Variants in TACC2 observed in about 807,000 individuals in gnomAD.
The protein encoded by TACC2 is transforming acidic coiled-coil containing protein 2.
A neutral mutation model predicts 227.3 loss-of-function variants in TACC2; 137 were observed. The observed-to-expected ratio is 0.60, with a 90% CI of 0.52 to 0.69. The LOEUF is 0.69. Ranked by LOEUF, TACC2 falls within the 30% of genes least tolerant of loss-of-function variation. TACC2 has a pLI of 0.00. For missense variants in TACC2, 3,470 were observed against 3,694.4 expected, an observed-to-expected ratio of 0.94 and a Z score of 1.57; for synonymous variants, 1,523 against 1,487.5, an observed-to-expected ratio of 1.02 and a Z score of -0.55.
intron 2 of TACC2, among the ~76,000 whole-genome samples, chr10:122,037,877 G>A (rs1358960385): frequency 6.6e-6 from 1 of 152,150 alleles, no homozygotes; most frequent in Non-Finnish European, 1.5e-5. Flanking sequence ...AGCCTGGGAG[G>A]CCAGAGGCTC....
rs531810012 is a variant in TACC2 at position 122,063,510 on chromosome 10, T to A, written c.146+12960T>A. 4.6e-5 allele frequency among the ~76,000 whole-genome samples: 7 copies of A among 152,268 alleles called. No individual in the cohort carries two copies. The East Asian group carries it at 1.2e-3, about 25-fold the overall frequency. On this transcript the variant is annotated intron_variant, in intron 3 of 22. Coordinates refer to ENST00000369005, the MANE Select transcript of TACC2 (RefSeq NM_206862.4). ...AATTAGGTGTGTGTCTGTTTTCTGC[T>A]CCTCTGGTTTCAACAGAGCATTTGA...
chr10:122,229,087 G>A (rs2095683721), intron 14 of TACC2, among the ~76,000 whole-genome samples: 1 of 152,088 alleles, frequency 6.6e-6, no homozygotes, highest in African/African-American at 2.4e-5. Context: ...ACCAGGGAGT[G>A]AGGGTGGCGT....
At chr10:122,058,551 G>A (rs1344360449) in intron 3 of TACC2, among the ~76,000 whole-genome samples, 1 of 152,076 alleles carries the variant, frequency 6.6e-6, no homozygotes, top group Non-Finnish European at 1.5e-5. Flanking sequence ...TGGGACTACA[G>A]GTGCGAAGCA....
At chr10:122,035,370 G>A (rs1045085778) in intron 2 of TACC2, among the ~76,000 whole-genome samples, 2 of 152,158 alleles carry the variant, frequency 1.3e-5, no homozygotes, top group Non-Finnish European at 2.9e-5. Context: ...CAATTGAGGA[G>A]TCAGATAAGC....
chr10:122,064,324 TC>T (rs1427159645), intron 3 of TACC2, among the ~76,000 whole-genome samples: 1 of 152,184 alleles, frequency 6.6e-6, no homozygotes, highest in African/African-American at 2.4e-5. Context: ...CCATACAGTT[TC>T]CCCTATTATT....
chr10:122,085,857 A>G lies in TACC2; in HGVS notation c.3357A>G (p.Ser1119=). The G allele has an allele frequency of 6.2e-7, 1 of 1,613,148 alleles. No homozygotes were observed. Among genetic ancestry groups the G allele is most frequent in the Non-Finnish European group, 8.5e-7 (1 of 1,179,554 alleles). ...ESPKLLASFP[S]AGEQGGEAGA... ...CAAAGCTTCTTGCAAGTTTCCCATC[A>G]GCTGGGGAGCAAGGTGGTGAAGCCG... The change falls in exon 4 of 23, where the codon TCA becomes TCG. Residue 1119 remains serine, a synonymous_variant. Transcript: ENST00000369005.
rs775635877 is a variant in TACC2 at position 122,226,527 on chromosome 10, TA to T, written c.7724+49del. On this transcript the variant is annotated intron_variant, in intron 13 of 22. Coordinates refer to ENST00000369005, the MANE Select transcript of TACC2 (RefSeq NM_206862.4). Reference sequence around the variant, plus strand: ...GAGTTACACATCATGCTGGATGTTCTAAAGCCTCTGAGCACCTTCATGCTGT... The same window carrying T: ...GAGTTACACATCATGCTGGATGTTCTAAGCCTCTGAGCACCTTCATGCTGT... 13 of 1,387,992 alleles carry T rather than the reference TA, an allele frequency of 9.4e-6. No homozygotes were observed. In the African/African-American group the frequency reaches 1.3e-4, roughly 14 times the overall value. The allele number at this position is 1,387,992 out of a possible 1,614,324, so 86.0% of individuals were successfully genotyped here.
chr10:122,099,683 G>A (rs1176973622), intron 5 of TACC2, among the ~76,000 whole-genome samples: 1 of 152,162 alleles, frequency 6.6e-6, no homozygotes, highest in East Asian at 1.9e-4. Context: ...GCCAAGCAAA[G>A]GAAAGCCAGG....
At position 122,167,682 on chromosome 10, in the gene TACC2, C is replaced by T. The variant is rs145710837; in HGVS notation, c.5834+23976C>T. On this transcript the variant is annotated intron_variant, in intron 7 of 22. Coordinates refer to ENST00000369005, the MANE Select transcript of TACC2 (RefSeq NM_206862.4). ...GTAGAGAAAATCCGATGACTCTGAT[C>T]CTGCCCCTCCTGCCTCGCAGGGTTT... is the stretch of plus-strand genomic sequence containing the variant. Among the ~76,000 whole-genome samples the T allele has an allele frequency of 4.6e-3, 693 of 152,288 alleles. 6 individuals are homozygous for T. Among genetic ancestry groups the T allele is most frequent in the African/African-American group, 0.016 (650 of 41,560 alleles).
intron 5 of TACC2, among the ~76,000 whole-genome samples, chr10:122,103,747 G>C (rs1248522450): frequency 6.6e-6 from 1 of 152,018 alleles, no homozygotes; most frequent in Non-Finnish European, 1.5e-5. Context: ...GTCCTGAGCT[G>C]TAGAGCTGAG....
At chr10:122,185,618 G>T (rs1291511612) in intron 7 of TACC2, among the ~76,000 whole-genome samples, 2 of 152,260 alleles carry the variant, frequency 1.3e-5, no homozygotes, top group African/African-American at 4.8e-5. Context: ...AAGGCTAAGT[G>T]TGTTTTTTCA....
At chr10:122,030,603 C>T (rs1169303374) in intron 2 of TACC2, among the ~76,000 whole-genome samples, 1 of 152,066 alleles carries the variant, frequency 6.6e-6, no homozygotes, top group African/African-American at 2.4e-5. Flanking sequence ...CTCCATCTCC[C>T]CTCCTCAGTC....
At chr10:122,052,234 CTT>C (rs1189110447) in intron 3 of TACC2, 1 of 152,192 alleles carries the variant, frequency 6.6e-6, no homozygotes, top group East Asian at 1.9e-4. Context: ...CAGCTCTTCT[CTT>C]TCCCTCTTGG....
rs745958023 is a variant in TACC2 at position 122,085,847 on chromosome 10, G to A, written c.3347G>A (p.Ser1116Asn). 1.9e-6 allele frequency: 3 copies of A among 1,612,954 alleles called. No individual in the cohort carries two copies. In the African/African-American group the frequency reaches 4.0e-5, roughly 22 times the overall value. The change falls in exon 4 of 23, where the codon AGT (serine) becomes AAT (asparagine). Residue 1116 changes from serine to asparagine, a missense_variant. Physicochemically the swap from Ser to Asn is conservative, Grantham distance 46 (BLOSUM62 1). This residue lies in a region of TACC2 where 1,924 missense variants were observed against 1,978.3 expected (regional missense o/e 0.97). Transcript: ENST00000369005. The stretch of plus-strand genomic sequence containing the variant: ...GCAGAGTCCCCAAAGCTTCTTGCAA[G>A]TTTCCCATCAGCTGGGGAGCAAGGT... The part of the protein sequence containing the change: ...SDAESPKLLA[S>N]FPSAGEQGGE...
chr10:122,039,618 C>G (rs2074001420), intron 2 of TACC2, among the ~76,000 whole-genome samples: 1 of 152,174 alleles, frequency 6.6e-6, no homozygotes, highest in African/African-American at 2.4e-5. Context: ...AACAGGACCT[C>G]TCCTCGGAGC....
intron 11 of TACC2, among the ~76,000 whole-genome samples, chr10:122,220,513 G>C (rs941990810): frequency 6.6e-6 from 1 of 152,116 alleles, no homozygotes; most frequent in Non-Finnish European, 1.5e-5. Context: ...CCAGCATCTG[G>C]ACGTGGAAAT....
rs113618278 is a variant in TACC2, at chr10:122,205,732, G to A, written c.5972-4665G>A. 1.2e-4 allele frequency among the ~76,000 whole-genome samples: 18 copies of A among 152,260 alleles called. 2 individuals carry two copies. The highest frequency in any genetic ancestry group is 2.2e-4 in the African/African-American group (9 of 41,540). ...TGCAGAGGAAGGGGCGGATGGAGGC[G>A]GAGTCTGGGGTTTTAATGAGTGTCT... On this transcript the variant is annotated intron_variant, in intron 8 of 22. Transcript: ENST00000369005. This position sits in a 1 kb window ranked among gnomAD's most constrained non-coding sequence, Gnocchi z 4.5.
intron 7 of TACC2, among the ~76,000 whole-genome samples, chr10:122,154,632 C>G (rs1314135344): frequency 6.6e-6 from 1 of 152,144 alleles, no homozygotes; most frequent in African/African-American, 2.4e-5. Flanking sequence ...TGCTGAAGAT[C>G]TGAGAATTTA....
intron 3 of TACC2, among the ~76,000 whole-genome samples, chr10:122,056,637 G>A (rs1421587792): frequency 2.0e-5 from 3 of 152,224 alleles, no homozygotes; most frequent in Non-Finnish European, 2.9e-5. Context: ...GGACAAGGAG[G>A]GTCTCCTGGC....
Sources: gnomAD v4.1 joint callset for allele counts (sites outside exome capture counted in the v4.1 genomes callset) on GRCh38, gnomAD v4.1.1 for gene constraint, gnomAD v4.1.1 regional missense constraint, Gnocchi (gnomAD v3.1) non-coding constraint, MANE v1.5 for transcripts, NCBI Gene and HGNC (gene_info 2026-07-23, HGNC 2026-07-21) for gene names.